The following MAP3K12 variants were observed in gnomAD, a reference collection of about 807,000 sequenced individuals.
MAP3K12 encodes the protein mitogen-activated protein kinase kinase kinase 12.
MAP3K12 carries 14 observed loss-of-function variants against 87.5 expected under a neutral mutation model. The ratio of observed to expected loss-of-function variants is 0.16; its 90% CI spans 0.11 to 0.25. The LOEUF (loss-of-function observed/expected upper bound fraction) is 0.25. MAP3K12 is among the 10% of genes least tolerant of loss of function. The pLI is 1.00. For missense variants in MAP3K12, 802 were observed against 1,140.4 expected, an observed-to-expected ratio of 0.70 and a Z score of 4.27; for synonymous variants, 469 against 452.5, an observed-to-expected ratio of 1.04 and a Z score of -0.46.
rs772424428 is a variant in MAP3K12 at position 53,486,020 on chromosome 12, G to C, written c.821+36C>G. The C allele has an allele frequency of 1.8e-5, 28 of 1,566,080 alleles. No individual in the cohort carries two copies. Among genetic ancestry groups the C allele is most frequent in the Non-Finnish European group, 2.4e-5 (28 of 1,151,854 alleles). ...CCACACTGACTTGAGTGGGTCACCT[G>C]CATGCACATCTGTTGCTCCCTGCTT... On this transcript the variant is annotated intron_variant, in intron 4 of 13. Transcript: ENST00000547488. This position sits in a 1 kb window ranked among gnomAD's most constrained non-coding sequence, Gnocchi z 4.9.
rs965489453 is a variant in MAP3K12, at chr12:53,485,022, C to G, written c.1139+34G>C. ...AGTACTACCGTGCTTCTCAACTTCT[C>G]CAGGCCCAGTATCCCAGCCCAGACC... On this transcript the variant is annotated intron_variant, in intron 6 of 13. Coordinates refer to ENST00000547488, the MANE Select transcript of MAP3K12 (RefSeq NM_001193511.2). The G allele has an allele frequency of 3.7e-6, 6 of 1,613,532 alleles. No individual in the cohort carries two copies. In the African/African-American group the frequency reaches 6.7e-5, roughly 18 times the overall value.
intron 11 of MAP3K12, 50 bp from the exon 12 acceptor site, chr12:53,482,419 C>T (rs749903837): frequency 6.2e-7 from 1 of 1,608,628 alleles, no homozygotes; most frequent in East Asian, 2.2e-5. Context: ...GGAAAGAGGT[C>T]ACTAAGAATC....
intron 10 of MAP3K12, 35 bp downstream of exon 10, chr12:53,483,294 GTTGCCACTTCAGTATCCCTC>G: frequency 6.3e-7 from 1 of 1,595,052 alleles, no homozygotes; most frequent in Non-Finnish European, 8.5e-7. Context: ...TAATATACCT[GTTGCCACTTCAGTATCCCTC>G]TTGCCATATT....
At chr12:53,488,550 A>T (rs138214248) in intron 1 of MAP3K12, among the ~76,000 whole-genome samples, 2 of 152,298 alleles carry the variant, frequency 1.3e-5, no homozygotes, top group Admixed American at 6.5e-5. Flanking sequence ...AATCCCAGCT[A>T]CTTGGGAGGC....
At chr12:53,499,826 G>C (rs1397735692), upstream of MAP3K12, among the ~76,000 whole-genome samples, 1 of 152,192 alleles carries the variant, frequency 6.6e-6, no homozygotes, top group African/African-American at 2.4e-5. Context: ...CCCTGCTGGC[G>C]GTGTCCTATG....
Position 53,486,152 on chromosome 12 carries a change from G to A in MAP3K12, c.725C>T (p.Thr242Ile). The change falls in exon 4 of 14, where the codon ACC (threonine) becomes ATC (isoleucine). Residue 242 changes from threonine (T) to isoleucine (I), a missense_variant. Physicochemically the swap from Thr to Ile is moderately conservative, Grantham distance 89. Around this residue, in one of 5 missense-constraint regions of MAP3K12, gnomAD observed 57 missense variants for 161.8 expected, o/e 0.35. Coordinates refer to ENST00000547488, the MANE Select transcript of MAP3K12 (RefSeq NM_001193511.2). The surrounding 1 kb of genome is among the most constrained non-coding windows in gnomAD (Gnocchi z 4.9). ...GGACCAGTCAACCAGTAAGGAGGGG[G>A]TGACAGGGCGGCCAGCCCGCAGTAC... ...YEVLRAGRPV[T>I]PSLLVDWSMG... The A allele has an allele frequency of 1.2e-6, 2 of 1,614,180 alleles. No homozygotes were observed. Among genetic ancestry groups the A allele is most frequent in the South Asian group, 1.1e-5 (1 of 91,088 alleles).
chr12:53,489,362 T>C (rs1445163872), intron 1 of MAP3K12, among the ~76,000 whole-genome samples: 1 of 152,170 alleles, frequency 6.6e-6, no homozygotes, highest in Non-Finnish European at 1.5e-5. Flanking sequence ...CTGACTTGCT[T>C]CTGCCACATA....
Position 53,481,207 on chromosome 12 carries a change from C to T in MAP3K12, c.2654G>A (p.Arg885Gln), listed in dbSNP as rs369434136. The T allele has an allele frequency of 4.8e-5, 74 of 1,532,930 alleles. No homozygotes were observed. The highest frequency in any genetic ancestry group is 8.8e-5 in the South Asian group (7 of 79,876). The allele number at this position is 1,532,930 out of a possible 1,614,324, so 95.0% of individuals were successfully genotyped here. A position where few individuals can be genotyped will look rare whatever the true frequency, so the allele number is the denominator to read the frequency against. Reference sequence around the variant, plus strand: ...TCATGGAGGGAGGGAAGCTGGGGGCCGCAAGGCATCAACGCTGTTGGAGTT... The same window carrying T: ...TCATGGAGGGAGGGAAGCTGGGGGCTGCAAGGCATCAACGCTGTTGGAGTT... ...LDNSNSVDAL[R>Q]PPASLPP Residue 885 changes from arginine to glutamine, a missense_variant, in exon 14 of 14, where the codon CGG becomes CAG. Transcript: ENST00000547488.
In MAP3K12 at chr12:53,481,208, G is replaced by T. The variant is rs868492564; in HGVS notation, c.2653C>A (p.Arg885=). 2 of 1,531,140 alleles carry T rather than the reference G, an allele frequency of 1.3e-6. No homozygotes were observed. Among genetic ancestry groups the T allele is most frequent in the African/African-American group, 2.8e-5 (2 of 71,008 alleles). 94.8% of individuals were successfully genotyped at this position (1,531,140 alleles called of 1,614,324 possible). ...LDNSNSVDAL[R]PPASLPP The stretch of plus-strand genomic sequence containing the variant: ...CATGGAGGGAGGGAAGCTGGGGGCC[G>T]CAAGGCATCAACGCTGTTGGAGTTG... The change falls in exon 14 of 14, where the codon CGG becomes AGG. Residue 885 remains arginine (R), a synonymous_variant. Coordinates refer to ENST00000547488, the MANE Select transcript of MAP3K12 (RefSeq NM_001193511.2).
At chr12:53,483,808 G>T in intron 8 of MAP3K12, 85 bp from the exon 9 acceptor site, 1 of 1,611,846 alleles carries the variant, frequency 6.2e-7, no homozygotes. Flanking sequence ...CCTGTCCACA[G>T]TCCTTTCGTA....
At chr12:53,485,666 C>T in intron 4 of MAP3K12, 191 bp from the exon 5 acceptor site, 2 of 619,646 alleles carry the variant, frequency 3.2e-6, no homozygotes, top group Non-Finnish European at 5.5e-6. Context: ...AGTGATTCTC[C>T]TGCCTCAGCC....
At chr12:53,484,198 A>G in intron 7 of MAP3K12, 59 bp downstream of exon 7, 1 of 1,499,818 alleles carries the variant, frequency 6.7e-7, no homozygotes, top group Non-Finnish European at 9.2e-7. Flanking sequence ...TCCCCCTCAA[A>G]TAGCATCATC....
chr12:53,483,821 C>T, intron 8 of MAP3K12, 90 bp downstream of exon 8: 1 of 1,611,162 alleles, frequency 6.2e-7, no homozygotes, highest in East Asian at 2.2e-5. Flanking sequence ...CTTTCGTAGT[C>T]CTTCCACCCG....
At chr12:53,484,592 C>T in intron 6 of MAP3K12, 1 of 524,750 alleles carries the variant, frequency 1.9e-6, no homozygotes, top group Admixed American at 3.6e-5. Context: ...TCCAACTTGT[C>T]TCCCAAAATA....
In MAP3K12 at chr12:53,484,819, A is replaced by G. The variant is rs979736815; in HGVS notation, c.1139+237T>C. On this transcript the variant is annotated intron_variant, in intron 6 of 13. Transcript: ENST00000547488. Reference sequence around the variant, plus strand: ...ACTTGTATGCACTCACTGGCACTTCATGACAAATCAGGAATGCAGATATCG... The same window carrying G: ...ACTTGTATGCACTCACTGGCACTTCGTGACAAATCAGGAATGCAGATATCG... 1.6e-5 allele frequency: 9 copies of G among 570,320 alleles called. No homozygotes were observed. In the East Asian group the frequency reaches 2.8e-4, roughly 18 times the overall value. 35.3% of individuals were successfully genotyped at this position (570,320 alleles called of 1,614,324 possible).
intron 13 of MAP3K12, 181 bp downstream of exon 13, chr12:53,481,760 T>C: frequency 1.5e-6 from 1 of 678,418 alleles, no homozygotes; most frequent in East Asian, 2.8e-5. Flanking sequence ...TGCAAGCTAC[T>C]GGTCAGGCAT....
In MAP3K12 at chr12:53,481,138, A is replaced by T. The variant is rs1322100774; in HGVS notation, c.*44T>A. Reference sequence around the variant, plus strand: ...ATATATATATATGTATATATATATAATTTATATAAATATTTCTCTATGTAC... The same window carrying T: ...ATATATATATATGTATATATATATATTTTATATAAATATTTCTCTATGTAC... On this transcript the variant is annotated 3_prime_UTR_variant, in exon 14 of 14. Transcript: ENST00000547488. 2 of 805,112 alleles carry T rather than the reference A, an allele frequency of 2.5e-6. No homozygotes were observed. The highest frequency in any genetic ancestry group is 4.4e-5 in the East Asian group (1 of 22,612). The allele number at this position is 805,112 out of a possible 1,614,324, so 49.9% of individuals were successfully genotyped here. A position where few individuals can be genotyped will look rare whatever the true frequency, so the allele number is the denominator to read the frequency against.
intron 1 of MAP3K12, among the ~76,000 whole-genome samples, chr12:53,491,525 C>T (rs1423540488): frequency 6.7e-6 from 1 of 149,878 alleles, no homozygotes; most frequent in African/African-American, 2.4e-5. Context: ...GCTCTGCCTT[C>T]CGGGTTCACA....
At chr12:53,481,716 C>T in intron 13 of MAP3K12, 1 of 531,904 alleles carries the variant, frequency 1.9e-6, no homozygotes, top group Non-Finnish European at 3.3e-6. Context: ...AGACTCCTTT[C>T]AGAATCATTC....
Sources: gnomAD v4.1 joint callset for allele counts (sites outside exome capture counted in the v4.1 genomes callset) on GRCh38, gnomAD v4.1.1 for gene constraint, gnomAD v4.1.1 regional missense constraint, Gnocchi (gnomAD v3.1) non-coding constraint, MANE v1.5 for transcripts, NCBI Gene and HGNC (gene_info 2026-07-23, HGNC 2026-07-21) for gene names.